Variants in SCAF11 observed in about 807,000 individuals in gnomAD.
The protein encoded by SCAF11 is SR-related CTD associated factor 11.
SCAF11 carries 47 observed loss-of-function variants against 140.5 expected under a neutral mutation model. That is an observed-to-expected ratio of 0.33 (90% confidence interval 0.26 to 0.43). The LOEUF is 0.43. Among genes scored for constraint, SCAF11 ranks in the 20% least tolerant of loss-of-function variants. The probability of loss-of-function intolerance (pLI) is 1.00; values close to 1 mark genes in which losing one functional copy is unlikely to be tolerated. For synonymous variants in SCAF11, 557 were observed against 579.4 expected, an observed-to-expected ratio of 0.96 and a Z score of 0.55; for missense variants, 1,645 against 1,705.1, an observed-to-expected ratio of 0.96 and a Z score of 0.62.
intron 1 of SCAF11, among the ~76,000 whole-genome samples, chr12:45,968,957 C>A (rs1323718602): frequency 6.6e-6 from 1 of 152,040 alleles, no homozygotes; most frequent in African/African-American, 2.4e-5. Context: ...AAAACAAAAA[C>A]GGTCTGTATT....
chr12:45,922,616 C>G, intron 13 of SCAF11, 34 bp from the exon 14 acceptor site: 1 of 1,558,126 alleles, frequency 6.4e-7, no homozygotes, highest in South Asian at 1.2e-5. Context: ...TTATTATTTG[C>G]CAGTCATACT....
At chr12:45,942,612 G>T (rs1945330567) in intron 6 of SCAF11, among the ~76,000 whole-genome samples, 1 of 152,152 alleles carries the variant, frequency 6.6e-6, no homozygotes, top group Admixed American at 6.5e-5. Flanking sequence ...GACATTCCAA[G>T]AATATTCCTG....
rs749202251 is a variant in SCAF11 at position 45,928,803 on chromosome 12, GCTT to G, written c.895_897del (p.Lys299del). 1.2e-6 allele frequency: 2 copies of G among 1,612,312 alleles called. No homozygotes were observed. The highest frequency in any genetic ancestry group is 1.7e-6 in the Non-Finnish European group (2 of 1,179,812). ...CTGGTATTTGATGTACCAGAAGTTT[GCTT>G]CTTTTCTTCCCCTTCTTGAGTATGT... is the stretch of plus-strand genomic sequence containing the variant. On this transcript the variant is annotated inframe_deletion, in exon 11 of 15. Transcript: ENST00000369367.
Position 45,972,909 on chromosome 12 carries a change from GAT to G in SCAF11, c.-21-8723_-21-8722del, listed in dbSNP as rs1318936786. Reference sequence around the variant, plus strand: ...ATATATATAGATATATATATATATAGATATATATATAGATATATAGATATATA... The same window carrying G: ...ATATATATAGATATATATATATATAGATATATATAGATATATAGATATATA... On this transcript the variant is annotated intron_variant, in intron 1 of 14. Transcript: ENST00000369367. Among the ~76,000 whole-genome samples, 15 of 68,434 alleles carry G rather than the reference GAT, an allele frequency of 2.2e-4. 1 individual carries two copies. The highest frequency in any genetic ancestry group is 1.5e-3 in the East Asian group (6 of 3,966). 44.9% of individuals were successfully genotyped at this position (68,434 alleles called of 152,430 possible).
intron 1 of SCAF11, among the ~76,000 whole-genome samples, chr12:45,978,396 A>C (rs1946282131): frequency 6.6e-6 from 1 of 152,198 alleles, no homozygotes; most frequent in South Asian, 2.1e-4. Flanking sequence ...TCCGCCAGGC[A>C]ATTTCTGAAT....
Position 45,922,210 on chromosome 12 carries a change from TG to T in SCAF11, c.4246-17del. 6.3e-7 allele frequency: 1 copy of T among 1,587,754 alleles called. No homozygotes were observed. The highest frequency in any genetic ancestry group is 8.5e-7 in the Non-Finnish European group (1 of 1,173,228). On this transcript the variant is annotated splice_polypyrimidine_tract_variant and intron_variant, in intron 14 of 14. Coordinates refer to ENST00000369367, the MANE Select transcript of SCAF11 (RefSeq NM_004719.3). The stretch of plus-strand genomic sequence containing the variant: ...TATGACAAACCTAAGAAAAAAGGGG[TG>T]GGGGGTAAACTTTTTTCATGCTTAA...
chr12:45,984,284 G>C (rs1016001647), intron 1 of SCAF11, among the ~76,000 whole-genome samples: 27 of 152,204 alleles, frequency 1.8e-4, no homozygotes, highest in Admixed American at 1.6e-3. Flanking sequence ...CTTCCAATTT[G>C]GGTTTGCCTG....
In SCAF11 at chr12:45,960,016, T is replaced by C. The variant is rs556990403; in HGVS notation, c.219+1684A>G. 1.3e-4 allele frequency among the ~76,000 whole-genome samples: 20 copies of C among 152,320 alleles called. No individual in the cohort carries two copies. In the South Asian group the frequency reaches 3.7e-3, roughly 28 times the overall value. On this transcript the variant is annotated intron_variant, in intron 3 of 14. Transcript: ENST00000369367. ...AAAAATATTACATGCGGGAAAGGTG[T>C]TGGCTGCCATACCATGTATGTTATC...
chr12:45,969,799 C>T (rs142586488), intron 1 of SCAF11, among the ~76,000 whole-genome samples: 2 of 152,324 alleles, frequency 1.3e-5, no homozygotes, highest in African/African-American at 4.8e-5. Context: ...CGTGGTGGCA[C>T]AATTACAGCT....
chr12:45,928,184 C>T lies in SCAF11; in HGVS notation c.1517G>A (p.Cys506Tyr), dbSNP rs776574714. 5 of 1,614,006 alleles carry T rather than the reference C, an allele frequency of 3.1e-6. No individual in the cohort carries two copies. In the South Asian group the frequency reaches 4.4e-5, roughly 14 times the overall value. Residue 506 changes from cysteine to tyrosine, a missense_variant, in exon 11 of 15, where the codon TGT becomes TAT. This residue lies in a region of SCAF11 where 1,582 missense variants were observed against 1,609.2 expected (regional missense o/e 0.98). Coordinates refer to ENST00000369367, the MANE Select transcript of SCAF11 (RefSeq NM_004719.3). Reference protein sequence around the residue: ...ENTGIEANVLCLESEISENIL... With the variant: ...ENTGIEANVLYLESEISENIL... ...ATTTTCAGAAATCTCACTTTCCAAA[C>T]ACAAAACATTAGCCTCTATACCTGT...
chr12:45,939,252 T>C (rs1945240153), intron 6 of SCAF11, among the ~76,000 whole-genome samples: 1 of 152,104 alleles, frequency 6.6e-6, no homozygotes, highest in South Asian at 2.1e-4. Flanking sequence ...ATTTATAGGC[T>C]ATAATAATCT....
At chr12:45,950,748 CA>C (rs2136574921) in intron 4 of SCAF11, among the ~76,000 whole-genome samples, 1 of 152,176 alleles carries the variant, frequency 6.6e-6, no homozygotes, top group African/African-American at 2.4e-5. Flanking sequence ...AAAAATATAT[CA>C]AAACAAATTA....
At chr12:45,978,810 T>C (rs1038382207) in intron 1 of SCAF11, among the ~76,000 whole-genome samples, 21 of 152,098 alleles carry the variant, frequency 1.4e-4, no homozygotes, top group African/African-American at 5.1e-4. Context: ...GATGGGAAAA[T>C]TGTGTAGGGC....
At chr12:45,935,785 T>G (rs2136533170) in intron 6 of SCAF11, among the ~76,000 whole-genome samples, 1 of 152,338 alleles carries the variant, frequency 6.6e-6, no homozygotes, top group East Asian at 1.9e-4. Flanking sequence ...AAAAGCTGTT[T>G]CACATATTTC....
chr12:45,928,459 G>A lies in SCAF11; in HGVS notation c.1242C>T (p.Asp414=), dbSNP rs757349659. 1.9e-6 allele frequency: 3 copies of A among 1,612,964 alleles called. No homozygotes were observed. Among genetic ancestry groups the A allele is most frequent in the Non-Finnish European group, 2.5e-6 (3 of 1,179,216 alleles). Residue 414 remains aspartate (D), a synonymous_variant, in exon 11 of 15, where the codon GAC becomes GAT. Transcript: ENST00000369367. ...DSVDEETAES[D]TSPVLEKEHQ... is the part of the protein sequence containing the mutation. ...GCTCTTTTTCTAACACAGGTGATGT[G>A]TCAGATTCTGCTGTTTCTTCATCTA...
chr12:45,929,195 G>C (rs1278415821), intron 10 of SCAF11: 2 of 162,652 alleles, frequency 1.2e-5, no homozygotes, highest in Non-Finnish European at 2.6e-5. Flanking sequence ...ACCCAGGCTG[G>C]AGTGCAATGG....
At chr12:45,953,929 A>C (rs1325661692) in intron 3 of SCAF11, 2 of 876,652 alleles carry the variant, frequency 2.3e-6, no homozygotes, top group Non-Finnish European at 3.0e-6. Flanking sequence ...TAACAAAAAA[A>C]CTTGGTTAAT....
chr12:45,935,938 C>T (rs1383899222), intron 6 of SCAF11, among the ~76,000 whole-genome samples: 2 of 152,116 alleles, frequency 1.3e-5, no homozygotes, highest in African/African-American at 2.4e-5. Flanking sequence ...GGCAGTGATA[C>T]GCCTTTTCAT....
intron 6 of SCAF11, among the ~76,000 whole-genome samples, chr12:45,943,983 T>A (rs941063617): frequency 2.6e-5 from 4 of 152,180 alleles, no homozygotes; most frequent in African/African-American, 9.6e-5. Context: ...CTGAAGCATA[T>A]GGAATTTAAG....
Sources: gnomAD v4.1 joint callset for allele counts (sites outside exome capture counted in the v4.1 genomes callset) on GRCh38, gnomAD v4.1.1 for gene constraint, gnomAD v4.1.1 regional missense constraint, MANE v1.5 for transcripts, NCBI Gene and HGNC (gene_info 2026-07-23, HGNC 2026-07-21) for gene names.